Variants in HERC4 observed in about 807,000 individuals in gnomAD.
HERC4 encodes HECT and RLD domain containing E3 ubiquitin protein ligase 4, also known as probable E3 ubiquitin-protein ligase HERC4.
A neutral mutation model predicts 124.3 loss-of-function variants in HERC4; 28 were observed. That is an observed-to-expected ratio of 0.23 (90% confidence interval 0.17 to 0.31). The LOEUF (loss-of-function observed/expected upper bound fraction) is 0.31. HERC4 is among the 10% of genes least tolerant of loss of function. The pLI is 1.00. For synonymous variants in HERC4, 407 were observed against 421.5 expected, an observed-to-expected ratio of 0.97 and a Z score of 0.42; for missense variants, 713 against 1,229.3, an observed-to-expected ratio of 0.58 and a Z score of 6.28.
intron 8 of HERC4, among the ~76,000 whole-genome samples, chr10:68,023,441 T>C (rs1370070627): frequency 2.0e-5 from 3 of 152,184 alleles, no homozygotes. Context: ...CTGAGTGAGA[T>C]AAGTCAGTCA....
chr10:67,976,665 T>C (rs1169438309), intron 15 of HERC4, among the ~76,000 whole-genome samples: 13 of 151,938 alleles, frequency 8.6e-5, no homozygotes, highest in African/African-American at 3.1e-4. Context: ...TACAAAAAAG[T>C]CTTGAATCAC....
Position 67,939,823 on chromosome 10 carries a change from C to G in HERC4, c.2505-169G>C, listed in dbSNP as rs376607008. On this transcript the variant is annotated intron_variant, in intron 20 of 24. Transcript: ENST00000373700. ...AGAATAGTGAATACACAATGGCAAA[C>G]TTATAAATGATGCTTAAGGAAAAAA... Among the ~76,000 whole-genome samples the G allele has an allele frequency of 1.2e-4, 18 of 152,106 alleles. No homozygotes were observed. In the East Asian group the frequency reaches 1.4e-3, roughly 11 times the overall value.
At chr10:67,952,002 G>A (rs915144532) in intron 19 of HERC4, among the ~76,000 whole-genome samples, 1 of 151,904 alleles carries the variant, frequency 6.6e-6, no homozygotes, top group African/African-American at 2.4e-5. Flanking sequence ...ACACCTCAAT[G>A]CCCATACCCA....
chr10:67,951,170 A>T (rs1589161938), intron 19 of HERC4, among the ~76,000 whole-genome samples: 1 of 152,204 alleles, frequency 6.6e-6, no homozygotes, highest in Non-Finnish European at 1.5e-5. Context: ...TTATCTCTTT[A>T]AAACTGACTA....
intron 3 of HERC4, among the ~76,000 whole-genome samples, chr10:68,056,526 G>A (rs73263301): frequency 1.1e-3 from 175 of 152,328 alleles, no homozygotes; most frequent in African/African-American, 3.8e-3. Flanking sequence ...TCCATGGGCT[G>A]TACTTGGTAG....
At chr10:67,991,228 C>T in intron 11 of HERC4, 29 bp from the exon 12 acceptor site, 1 of 1,280,608 alleles carries the variant, frequency 7.8e-7, no homozygotes, top group Non-Finnish European at 1.1e-6. Flanking sequence ...TTTTTTTAAT[C>T]ATAGAATCAG....
chr10:67,988,032 G>A (rs1312258389), intron 15 of HERC4: 3 of 152,050 alleles, frequency 2.0e-5, no homozygotes, highest in African/African-American at 7.2e-5. Flanking sequence ...GCATAACAGA[G>A]GTATACCTAC....
intron 3 of HERC4, among the ~76,000 whole-genome samples, chr10:68,045,759 A>G (rs902416144): frequency 1.6e-4 from 25 of 152,312 alleles, no homozygotes; most frequent in African/African-American, 7.2e-5. Flanking sequence ...CAACAAACTA[A>G]AAGTCTTATG....
intron 7 of HERC4, among the ~76,000 whole-genome samples, chr10:68,029,516 T>C (rs2039082304): frequency 6.6e-6 from 1 of 151,524 alleles, no homozygotes; most frequent in South Asian, 2.1e-4. Flanking sequence ...AAGAATGCAA[T>C]TTAAGATTTC....
At chr10:67,996,945 T>A (rs1437837542) in intron 9 of HERC4, among the ~76,000 whole-genome samples, 1 of 150,906 alleles carries the variant, frequency 6.6e-6, no homozygotes, top group Non-Finnish European at 1.5e-5. Flanking sequence ...CTGAGACCGC[T>A]CCACTACACT....
intron 21 of HERC4, 53 bp from the exon 22 acceptor site, chr10:67,936,288 A>G: frequency 9.8e-7 from 1 of 1,025,068 alleles, no homozygotes; most frequent in Non-Finnish European, 1.4e-6. Context: ...AACTTATAAT[A>G]ATCTATTATT....
At chr10:67,948,171 A>G (rs2033529720) in intron 19 of HERC4, among the ~76,000 whole-genome samples, 1 of 149,098 alleles carries the variant, frequency 6.7e-6, no homozygotes, top group Non-Finnish European at 1.5e-5. Flanking sequence ...TCTCAAGTCA[A>G]TAACCTAAGT....
chr10:67,927,415 TATA>T (rs2031190854), intron 23 of HERC4, among the ~76,000 whole-genome samples: 1 of 12,430 alleles, frequency 8.0e-5, no homozygotes, highest in African/African-American at 2.0e-4. Flanking sequence ...TATATATATA[TATA>T]TATATATATA....
chr10:68,054,334 G>A (rs1377123581), intron 3 of HERC4, among the ~76,000 whole-genome samples: 2 of 150,540 alleles, frequency 1.3e-5, no homozygotes, highest in Admixed American at 1.3e-4. Flanking sequence ...TGAATGTGCA[G>A]TTGAAGTATT....
At chr10:67,937,735 C>A (rs2032490920) in intron 21 of HERC4, among the ~76,000 whole-genome samples, 1 of 148,388 alleles carries the variant, frequency 6.7e-6, no homozygotes. Context: ...GGCTGCAGTA[C>A]AATGGCGTGA....
intron 17 of HERC4, 60 bp downstream of exon 17, chr10:67,956,818 A>T: frequency 9.1e-7 from 1 of 1,104,120 alleles, no homozygotes. Context: ...TCAAATATTT[A>T]CTGTCCAGAA....
Position 68,040,148 on chromosome 10 carries a change from G to T in HERC4, c.387-1979C>A, listed in dbSNP as rs182273831. On this transcript the variant is annotated intron_variant, in intron 4 of 24. Transcript: ENST00000373700. ...TAAGGTCTTGGAGGCTTTAGTATTA[G>T]TCATAAAATTTGCCAAAAATTTTCT... The T allele has an allele frequency of 1.0e-5, 10 of 975,356 alleles. No individual in the cohort carries two copies. In the African/African-American group the frequency reaches 1.8e-4, roughly 17 times the overall value. 60.4% of individuals were successfully genotyped at this position (975,356 alleles called of 1,614,324 possible). A position where few individuals can be genotyped will look rare whatever the true frequency, so the allele number is the denominator to read the frequency against.
chr10:68,040,196 TCA>T, intron 4 of HERC4: 2 of 982,178 alleles, frequency 2.0e-6, no homozygotes, highest in Non-Finnish European at 2.4e-6. Flanking sequence ...CAATTTATAC[TCA>T]GTTACTCTCC....
intron 4 of HERC4, chr10:68,039,720 C>A: frequency 7.5e-7 from 1 of 1,328,558 alleles, no homozygotes; most frequent in Non-Finnish European, 9.6e-7. Flanking sequence ...ACTGGCAATG[C>A]AAACAGAGTA....
Sources: gnomAD v4.1 joint callset for allele counts (sites outside exome capture counted in the v4.1 genomes callset) on GRCh38, gnomAD v4.1.1 for gene constraint, MANE v1.5 for transcripts, NCBI Gene and HGNC (gene_info 2026-07-23, HGNC 2026-07-21) for gene names.